The following MPDZ variants were observed in gnomAD, a reference collection of about 807,000 sequenced individuals.
The protein encoded by MPDZ is multiple PDZ domain protein.
A neutral mutation model predicts 239.1 loss-of-function variants in MPDZ; 234 were observed. The observed-to-expected ratio is 0.98, with a 90% CI of 0.88 to 1.09. MPDZ has a LOEUF of 1.09. MPDZ is among the 50% of genes least tolerant of loss of function. MPDZ has a pLI of 0.00. For synonymous variants in MPDZ, 1,048 were observed against 881.3 expected (o/e 1.19, Z -3.35); for missense variants, 3,175 against 2,510.0 (o/e 1.26, Z -5.66).
chr9:13,209,539 C>G (rs1957372951), intron 10 of MPDZ, among the ~76,000 whole-genome samples: 1 of 152,070 alleles, frequency 6.6e-6, no homozygotes, highest in Non-Finnish European at 1.5e-5. Flanking sequence ...TCTGTATAAG[C>G]CCAGTTATTT....
chr9:13,118,881 T>A (rs1943905508), intron 39 of MPDZ, among the ~76,000 whole-genome samples: 2 of 152,308 alleles, frequency 1.3e-5, no homozygotes, highest in Non-Finnish European at 2.9e-5. Flanking sequence ...GAGTTTAGAA[T>A]GATATCTAGG....
chr9:13,210,870 C>T (rs1045156244), intron 10 of MPDZ, among the ~76,000 whole-genome samples: 1 of 152,098 alleles, frequency 6.6e-6, no homozygotes, highest in Non-Finnish European at 1.5e-5. Context: ...CAAGAAGAAA[C>T]CCTCAGAGAT....
intron 24 of MPDZ, among the ~76,000 whole-genome samples, chr9:13,152,547 C>A (rs1170030634): frequency 1.3e-5 from 2 of 152,048 alleles, no homozygotes; most frequent in Non-Finnish European, 2.9e-5. Context: ...GATTGTGAGG[C>A]CTCCCAAGTC....
chr9:13,165,225 C>T, intron 22 of MPDZ: 1 of 813,994 alleles, frequency 1.2e-6, no homozygotes, highest in Non-Finnish European at 1.8e-6. Flanking sequence ...CTTACTTAAA[C>T]AAAGAAAACA....
chr9:13,174,111 CCT>C (rs1323405907), intron 21 of MPDZ, among the ~76,000 whole-genome samples: 27 of 152,308 alleles, frequency 1.8e-4, no homozygotes, highest in Admixed American at 6.5e-5. Flanking sequence ...GTAAAAATCT[CCT>C]CTTTTTAGAC....
Position 13,241,219 on chromosome 9 carries a change from TTC to T in MPDZ, c.183+6414_183+6415del, listed in dbSNP as rs201430513. ...AATGTAAAAACATAAGAACCACTCATTCTCTTTTAACTTCTCCTAGATAATGC... is the reference window on the plus strand; with the variant it reads ...AATGTAAAAACATAAGAACCACTCATTCTTTTAACTTCTCCTAGATAATGC... On this transcript the variant is annotated intron_variant, in intron 3 of 46. Transcript: ENST00000319217. Among the ~76,000 whole-genome samples, 1,137 of 152,296 alleles carry T rather than the reference TTC, an allele frequency of 7.5e-3. 11 individuals carry two copies. Among genetic ancestry groups the T allele is most frequent in the African/African-American group, 0.026 (1,097 of 41,570 alleles).
chr9:13,194,237 T>A (rs1955335106), intron 13 of MPDZ, among the ~76,000 whole-genome samples: 1 of 152,196 alleles, frequency 6.6e-6, no homozygotes, highest in South Asian at 2.1e-4. Flanking sequence ...TCCTTTTTCA[T>A]TTATTGTATA....
At chr9:13,272,892 C>T in intron 1 of MPDZ, among the ~76,000 whole-genome samples, 1 of 151,954 alleles carries the variant, frequency 6.6e-6, no homozygotes, top group South Asian at 2.1e-4. Context: ...AAGGGGGCTG[C>T]TATGGTCTGA....
At position 13,264,039 on chromosome 9, in the gene MPDZ, A is replaced by T. The variant is rs569803096; in HGVS notation, c.-57-13667T>A. 3.3e-5 allele frequency among the ~76,000 whole-genome samples: 5 copies of T among 152,330 alleles called. No homozygotes were observed. In the South Asian group the frequency reaches 1.0e-3, roughly 32 times the overall value. Reference sequence around the variant, plus strand: ...AGTTTGGTGAAAATAGTATAGTATCATACCTTTTCCTATTAATTTTCTAAT... The same window carrying T: ...AGTTTGGTGAAAATAGTATAGTATCTTACCTTTTCCTATTAATTTTCTAAT... On this transcript the variant is annotated intron_variant, in intron 1 of 46. Transcript: ENST00000319217.
At chr9:13,195,993 G>A in intron 13 of MPDZ, 128 bp downstream of exon 13, 1 of 579,118 alleles carries the variant, frequency 1.7e-6, no homozygotes, top group Non-Finnish European at 2.9e-6. Context: ...CCATATTTAG[G>A]TTGTCTAAAA....
chr9:13,265,307 C>T (rs1971545284), intron 1 of MPDZ, among the ~76,000 whole-genome samples: 1 of 152,204 alleles, frequency 6.6e-6, no homozygotes, highest in Admixed American at 6.5e-5. Flanking sequence ...TTTGGGCTCT[C>T]ACCTGTCATC....
intron 3 of MPDZ, among the ~76,000 whole-genome samples, chr9:13,240,117 CAT>C (rs1239250801): frequency 6.6e-6 from 1 of 151,948 alleles, no homozygotes; most frequent in Non-Finnish European, 1.5e-5. Flanking sequence ...AAACAAACAA[CAT>C]GTTAGAATTT....
In MPDZ at chr9:13,115,305, A is replaced by G; in HGVS notation, c.5409T>C (p.Val1803=). The change falls in exon 40 of 47, where the codon GTT becomes GTC. Residue 1803 remains valine, a synonymous_variant. Transcript: ENST00000319217. ...KCSLGTVTLE[V]GRIKAGPFHS... is the part of the protein sequence containing the mutation. ...GGAATGGACCAGCTTTGATTCTTCC[A>G]ACTTCCAAGGTTACTGTGCCTAGGG... 6.2e-7 allele frequency: 1 copy of G among 1,612,768 alleles called. No individual in the cohort carries two copies. Among genetic ancestry groups the G allele is most frequent in the Non-Finnish European group, 8.5e-7 (1 of 1,179,846 alleles).
intron 17 of MPDZ, among the ~76,000 whole-genome samples, chr9:13,188,448 G>A (rs1054306095): frequency 6.6e-6 from 1 of 152,040 alleles, no homozygotes; most frequent in South Asian, 2.1e-4. Flanking sequence ...AATCTAGGAG[G>A]TGGAGACTGC....
intron 19 of MPDZ, among the ~76,000 whole-genome samples, chr9:13,182,616 G>C (rs1371634709): frequency 2.0e-5 from 3 of 151,836 alleles, no homozygotes; most frequent in Non-Finnish European, 4.4e-5. Flanking sequence ...ATGGCCAAAA[G>C]ATATGAAGAG....
intron 3 of MPDZ, among the ~76,000 whole-genome samples, chr9:13,239,721 T>A (rs1044350887): frequency 7.2e-5 from 11 of 152,146 alleles, no homozygotes; most frequent in African/African-American, 2.7e-4. Context: ...AGGTACAAAG[T>A]ATTTAAAGAT....
chr9:13,162,822 T>C lies in MPDZ; in HGVS notation c.3255-27A>G, dbSNP rs750095371. On this transcript the variant is annotated intron_variant, in intron 22 of 46. Transcript: ENST00000319217. ...TGGAACAAACCAGAATCCATGGAAG[T>C]GAAGGGAAATAATATTTTGCCTAAT... 4.0e-6 allele frequency: 6 copies of C among 1,488,554 alleles called. No individual in the cohort carries two copies. In the Middle Eastern group the frequency reaches 5.2e-4, roughly 129 times the overall value. The allele number at this position is 1,488,554 out of a possible 1,614,324, so 92.2% of individuals were successfully genotyped here. A position where few individuals can be genotyped will look rare whatever the true frequency, so the allele number is the denominator to read the frequency against.
chr9:13,262,162 G>C (rs1970827816), intron 1 of MPDZ, among the ~76,000 whole-genome samples: 1 of 151,960 alleles, frequency 6.6e-6, no homozygotes, highest in South Asian at 2.1e-4. Context: ...AAATATTTCT[G>C]ACCAAAAATC....
At chr9:13,235,300 A>C (rs1963649994) in intron 3 of MPDZ, among the ~76,000 whole-genome samples, 1 of 152,186 alleles carries the variant, frequency 6.6e-6, no homozygotes, top group Non-Finnish European at 1.5e-5. Context: ...ATGGAGCAAT[A>C]AGTTATAAGA....
Sources: gnomAD v4.1 joint callset for allele counts (sites outside exome capture counted in the v4.1 genomes callset) on GRCh38, gnomAD v4.1.1 for gene constraint, MANE v1.5 for transcripts, NCBI Gene and HGNC (gene_info 2026-07-23, HGNC 2026-07-21) for gene names.